Variants in PPP4R1 observed in about 807,000 individuals in gnomAD.
PPP4R1 encodes the protein serine/threonine-protein phosphatase 4 regulatory subunit 1.
Under a neutral mutation model 111.2 loss-of-function variants are expected in PPP4R1, and 42 were observed. The ratio of observed to expected loss-of-function variants is 0.38; its 90% CI spans 0.29 to 0.49. The LOEUF (loss-of-function observed/expected upper bound fraction) is 0.49, where lower values mean the gene tolerates loss of function less well. Among genes scored for constraint, PPP4R1 ranks in the 20% least tolerant of loss-of-function variants. PPP4R1 has a pLI of 0.97. For synonymous variants in PPP4R1, 409 were observed against 405.5 expected (o/e 1.01, Z -0.10); for missense variants, 1,012 against 1,161.6 (o/e 0.87, Z 1.87).
chr18:9,564,138 G>A (rs2066722876), intron 11 of PPP4R1, among the ~76,000 whole-genome samples: 2 of 152,156 alleles, frequency 1.3e-5, no homozygotes, highest in African/African-American at 4.8e-5. Context: ...AACTTACCAG[G>A]CAGTGGTTCA....
intron 2 of PPP4R1, among the ~76,000 whole-genome samples, chr18:9,605,680 G>C (rs971501828): frequency 6.6e-5 from 10 of 151,242 alleles, no homozygotes; most frequent in African/African-American, 2.4e-4. Flanking sequence ...GAATGCTAAA[G>C]GCTGAGAAAT....
At position 9,614,465 on chromosome 18, in the gene PPP4R1, G is replaced by C; in HGVS notation, c.7+13C>G. On this transcript the variant is annotated intron_variant, in intron 1 of 19. Transcript: ENST00000400556. This position sits in a 1 kb window ranked among gnomAD's most constrained non-coding sequence, Gnocchi z 4.1. ...AGGAGCCGCCGCCGCCCGGAGAACA[G>C]GGGGCCACGTACCCGCCATCTTGTG... The C allele has an allele frequency of 9.7e-7, 1 of 1,032,102 alleles. No homozygotes were observed. Among genetic ancestry groups the C allele is most frequent in the Non-Finnish European group, 1.2e-6 (1 of 861,094 alleles). 63.9% of individuals were successfully genotyped at this position (1,032,102 alleles called of 1,614,324 possible). A position where few individuals can be genotyped will look rare whatever the true frequency, so the allele number is the denominator to read the frequency against.
chr18:9,583,849 G>A (rs1427203265), intron 8 of PPP4R1, among the ~76,000 whole-genome samples: 1 of 151,366 alleles, frequency 6.6e-6, no homozygotes, highest in East Asian at 1.9e-4. Flanking sequence ...TTTCTTATGA[G>A]TCAAAATTAT....
At chr18:9,566,124 T>C (rs2066760949) in intron 11 of PPP4R1, among the ~76,000 whole-genome samples, 1 of 151,822 alleles carries the variant, frequency 6.6e-6, no homozygotes, top group East Asian at 2.0e-4. Context: ...TTGGCCAGGC[T>C]GGTCTCAAAC....
chr18:9,562,376 G>A (rs1258638763), intron 12 of PPP4R1, among the ~76,000 whole-genome samples: 1 of 152,146 alleles, frequency 6.6e-6, no homozygotes. Flanking sequence ...AAATAGTACT[G>A]AGAGGATTCT....
intron 11 of PPP4R1, among the ~76,000 whole-genome samples, chr18:9,566,662 C>CTG (rs1206929217): frequency 9.5e-6 from 1 of 104,870 alleles, no homozygotes; most frequent in Non-Finnish European, 2.1e-5. Context: ...CACACACACA[C>CTG]ACACACACAC....
chr18:9,583,077 C>A (rs571657005), intron 9 of PPP4R1, 40 bp downstream of exon 9: 1 of 1,520,806 alleles, frequency 6.6e-7, no homozygotes. Flanking sequence ...AAAACGGACA[C>A]AAATGTATTA....
intron 17 of PPP4R1, 40 bp downstream of exon 17, chr18:9,550,238 A>C: frequency 6.2e-7 from 1 of 1,614,036 alleles, no homozygotes; most frequent in Non-Finnish European, 8.5e-7. Context: ...CTAGGATCTT[A>C]GAGTTTGCTG....
At chr18:9,569,668 T>C (rs908245769) in intron 11 of PPP4R1, among the ~76,000 whole-genome samples, 1 of 152,242 alleles carries the variant, frequency 6.6e-6, no homozygotes, top group Admixed American at 6.5e-5. Flanking sequence ...ATTGTATTTA[T>C]CAAGAGAATT....
In PPP4R1 at chr18:9,554,015, G is replaced by C. The variant is rs569615213; in HGVS notation, c.2191-593C>G. 9.2e-5 allele frequency among the ~76,000 whole-genome samples: 14 copies of C among 152,320 alleles called. No individual in the cohort carries two copies. In the East Asian group the frequency reaches 2.7e-3, roughly 29 times the overall value. Reference sequence around the variant, plus strand: ...ATCTTCAAGGGACGTTCTAAGGACAGAATGTGCTAGGAAGTCCTGAATATT... The same window carrying C: ...ATCTTCAAGGGACGTTCTAAGGACACAATGTGCTAGGAAGTCCTGAATATT... On this transcript the variant is annotated intron_variant, in intron 15 of 19. Coordinates refer to ENST00000400556, the MANE Select transcript of PPP4R1 (RefSeq NM_001042388.3).
chr18:9,562,296 AGAGT>A (rs1304828127), intron 12 of PPP4R1, among the ~76,000 whole-genome samples: 8 of 152,236 alleles, frequency 5.3e-5, no homozygotes, highest in Admixed American at 5.2e-4. Context: ...CAGAAAAATT[AGAGT>A]AATTAAAAAC....
chr18:9,552,633 A>G (rs2066507423), intron 16 of PPP4R1, among the ~76,000 whole-genome samples: 1 of 152,218 alleles, frequency 6.6e-6, no homozygotes. Context: ...TTAAACACAG[A>G]ATTACCATAT....
intron 11 of PPP4R1, among the ~76,000 whole-genome samples, chr18:9,564,697 G>GGTGTGTGTGTGTGTGTGT (rs1178823297): frequency 9.6e-5 from 9 of 93,578 alleles, no homozygotes; most frequent in East Asian, 8.8e-4. Context: ...TAAAGTGCAT[G>GGTGTGTGTGTGTGTGTGT]GTGTGTGTGT....
At chr18:9,581,716 A>G (rs1472710520) in intron 9 of PPP4R1, among the ~76,000 whole-genome samples, 1 of 152,208 alleles carries the variant, frequency 6.6e-6, no homozygotes, top group Non-Finnish European at 1.5e-5. Flanking sequence ...CATAACTAGG[A>G]AGTTCAATCA....
At chr18:9,567,314 A>G (rs1017611464) in intron 11 of PPP4R1, among the ~76,000 whole-genome samples, 1 of 152,210 alleles carries the variant, frequency 6.6e-6, no homozygotes, top group African/African-American at 2.4e-5. Context: ...TGGAGCTTGA[A>G]AACGTGAGTG....
At chr18:9,556,770 C>T (rs2066593431) in intron 15 of PPP4R1, among the ~76,000 whole-genome samples, 1 of 152,154 alleles carries the variant, frequency 6.6e-6, no homozygotes, top group Non-Finnish European at 1.5e-5. Flanking sequence ...TGCATGGGTC[C>T]ACTTATACTT....
In PPP4R1 at chr18:9,614,229, C is replaced by T; in HGVS notation, c.49G>A (p.Gly17Arg). Residue 17 changes from glycine (G) to arginine (R), a missense_variant, in exon 2 of 20, where the codon GGA becomes AGA. By Grantham distance (125) the Gly-to-Arg change is moderately radical (BLOSUM62 -2). Around this residue, in one of 2 missense-constraint regions of PPP4R1, gnomAD observed 707 missense variants for 742.1 expected, o/e 0.95. Coordinates refer to ENST00000400556, the MANE Select transcript of PPP4R1 (RefSeq NM_001042388.3). This position sits in a 1 kb window ranked among gnomAD's most constrained non-coding sequence, Gnocchi z 4.1. Reference protein sequence around the residue: ...LQEDLQEDADGFGVDDYSSES... With the variant: ...LQEDLQEDADRFGVDDYSSES... ...ACCGCGAGGCCGGGCCACTCACATC[C>T]GTCTGCGTCCTCCTGCAGGTCCTCC... 7.3e-7 allele frequency: 1 copy of T among 1,366,232 alleles called. No individual in the cohort carries two copies. Among genetic ancestry groups the T allele is most frequent in the Non-Finnish European group, 9.6e-7 (1 of 1,046,850 alleles). 84.6% of individuals were successfully genotyped at this position (1,366,232 alleles called of 1,614,324 possible).
intron 4 of PPP4R1, among the ~76,000 whole-genome samples, chr18:9,593,453 T>C (rs1300988947): frequency 6.6e-6 from 1 of 152,080 alleles, no homozygotes; most frequent in Admixed American, 6.5e-5. Flanking sequence ...GCCTCCTCCA[T>C]CTCTTTTAAT....
intron 13 of PPP4R1, 69 bp from the exon 14 acceptor site, chr18:9,559,673 T>A (rs2145037680): frequency 8.3e-7 from 1 of 1,209,802 alleles, no homozygotes; most frequent in Non-Finnish European, 1.1e-6. Flanking sequence ...AGACATAAAT[T>A]GGGCAAAATT....
Sources: allele counts gnomAD v4.1 joint callset (sites outside exome capture counted in the v4.1 genomes callset), GRCh38; gene constraint gnomAD v4.1.1; regional missense constraint gnomAD v4.1.1; non-coding constraint Gnocchi (gnomAD v3.1); transcripts MANE v1.5; gene names NCBI Gene and HGNC (gene_info 2026-07-23, HGNC 2026-07-21).